Variants in MILR1 observed in about 807,000 individuals in gnomAD.
The protein encoded by MILR1 is mast cell immunoglobulin like receptor 1, also known as allergin-1.
A neutral mutation model predicts 18.5 loss-of-function variants in MILR1; 31 were observed. The observed-to-expected ratio is 1.68, with a 90% CI of 1.26 to 2.26. MILR1 has a LOEUF of 2.26. Ranked by LOEUF, MILR1 falls within the 30% of genes most tolerant of loss-of-function variation. MILR1 has a pLI of 0.00. For synonymous variants in MILR1, 85 were observed against 56.2 expected (o/e 1.51, Z -2.30); for missense variants, 257 against 157.4 (o/e 1.63, Z -3.38).
At chr17:64,468,969 T>G (rs1555664063), downstream of MILR1, among the ~76,000 whole-genome samples, 1 of 151,780 alleles carries the variant, frequency 6.6e-6, no homozygotes, top group East Asian at 2.0e-4. Flanking sequence ...CACTTGTAAT[T>G]CCATCTACTT....
the MILR1 span, chr17:64,496,822 C>T: frequency 1.2e-6 from 2 of 1,613,862 alleles, no homozygotes; most frequent in African/African-American, 2.7e-5. Flanking sequence ...TCCCCTCGAG[C>T]TCCGCGTGCG....
chr17:64,468,655 G>A (rs1239144037), downstream of MILR1: 5 of 1,112,918 alleles, frequency 4.5e-6, no homozygotes, highest in East Asian at 4.0e-4. Context: ...CCTTCTCTGA[G>A]CCTTCTGACT....
At chr17:64,480,551 T>C in the MILR1 span, among the ~76,000 whole-genome samples, 2 of 152,258 alleles carry the variant, frequency 1.3e-5, no homozygotes, top group African/African-American at 4.8e-5. Context: ...TCATATACTT[T>C]ATAAATCGTA....
rs918575491 is a variant in MILR1, at chr17:64,449,332, A to T, written c.74A>T (p.Asp25Val). Residue 25 changes from aspartate (D) to valine (V), a missense_variant, in exon 2 of 10, where the codon GAT becomes GTT. Coordinates refer to ENST00000619286, the MANE Select transcript of MILR1 (RefSeq NM_001085423.2). ...GTTTCAGGTAGAAAAGCTGTATTGG[A>T]TTGTGAGGCAATGAAAACAAATGGT... Reference protein sequence around the residue: ...SSVTCRKAVLDCEAMKTNEFP... With the variant: ...SSVTCRKAVLVCEAMKTNEFP... 7 of 473,106 alleles carry T rather than the reference A, an allele frequency of 1.5e-5. No individual in the cohort carries two copies. The highest frequency in any genetic ancestry group is 3.2e-5 in the Admixed American group (1 of 31,350). The allele number at this position is 473,106 out of a possible 1,614,324, so 29.3% of individuals were successfully genotyped here.
chr17:64,459,526 G>C (rs1489227392), intron 4 of MILR1, among the ~76,000 whole-genome samples: 1 of 152,202 alleles, frequency 6.6e-6, no homozygotes, highest in Admixed American at 6.6e-5. Flanking sequence ...CACCCAGCCA[G>C]GTCCTCAGAA....
the MILR1 span, chr17:64,491,504 T>C: frequency 1.4e-6 from 2 of 1,451,648 alleles, no homozygotes; most frequent in South Asian, 1.1e-5. Flanking sequence ...AGTGAGACTA[T>C]GTCTCTAAAA....
intron 4 of MILR1, 144 bp from the exon 5 acceptor site, chr17:64,460,678 T>C (rs2144048921): frequency 2.7e-6 from 1 of 374,884 alleles, no homozygotes; most frequent in Non-Finnish European, 4.9e-6. Flanking sequence ...TCCCGTGAGT[T>C]TTAGATGTCA....
chr17:64,458,780 A>G (rs1340317126), intron 4 of MILR1, among the ~76,000 whole-genome samples: 2 of 151,934 alleles, frequency 1.3e-5, no homozygotes, highest in African/African-American at 4.8e-5. Flanking sequence ...CTGGACCAAA[A>G]TCCCCTGCCC....
the MILR1 span, among the ~76,000 whole-genome samples, chr17:64,483,593 C>T: frequency 4.8e-4 from 73 of 151,972 alleles, no homozygotes; most frequent in African/African-American, 1.7e-3. Context: ...CTTTCAGCAT[C>T]ACTTTGGACC....
the MILR1 span, chr17:64,496,404 T>C: frequency 3.2e-6 from 5 of 1,559,558 alleles, no homozygotes; most frequent in African/African-American, 1.4e-5. Context: ...TCGTGAAGCA[T>C]ACCGTGAAGA....
chr17:64,469,252 C>T (rs1156623178), downstream of MILR1, among the ~76,000 whole-genome samples: 2 of 152,192 alleles, frequency 1.3e-5, no homozygotes, highest in East Asian at 1.9e-4. Context: ...TACCCTATTT[C>T]CCTCAGAATG....
At chr17:64,497,223 A>AC in the MILR1 span, among the ~76,000 whole-genome samples, 2 of 152,112 alleles carry the variant, frequency 1.3e-5, no homozygotes, top group African/African-American at 4.8e-5. Flanking sequence ...CTTCAGATTG[A>AC]CTTTTTTCTT....
At chr17:64,472,746 C>T (rs1208237177), downstream of MILR1, among the ~76,000 whole-genome samples, 1 of 152,076 alleles carries the variant, frequency 6.6e-6, no homozygotes, top group Non-Finnish European at 1.5e-5. Context: ...GTGTAGCAGG[C>T]TATGCCATCT....
chr17:64,483,548 C>T, the MILR1 span, among the ~76,000 whole-genome samples: 1 of 151,500 alleles, frequency 6.6e-6, no homozygotes, highest in Non-Finnish European at 1.5e-5. Flanking sequence ...TTGAGACCCT[C>T]CCATTTTCTG....
intron 6 of MILR1, 85 bp downstream of exon 6, chr17:64,465,626 G>A: frequency 1.1e-5 from 16 of 1,419,020 alleles, no homozygotes; most frequent in Non-Finnish European, 1.5e-5. Flanking sequence ...TACGGGAGTG[G>A]GGGGTGGAGC....
the MILR1 span, chr17:64,485,774 T>G: frequency 6.2e-7 from 1 of 1,613,050 alleles, no homozygotes; most frequent in African/African-American, 1.3e-5. Context: ...CTCTGTCAGC[T>G]GGAAAGAATC....
chr17:64,453,430 A>G (rs1399528671), intron 3 of MILR1, among the ~76,000 whole-genome samples: 1 of 151,908 alleles, frequency 6.6e-6, no homozygotes, highest in Non-Finnish European at 1.5e-5. Context: ...ACCATGTCAG[A>G]TAATAGTCTT....
At chr17:64,472,992 T>C (rs1301034847), downstream of MILR1, among the ~76,000 whole-genome samples, 1 of 152,084 alleles carries the variant, frequency 6.6e-6, no homozygotes, top group Non-Finnish European at 1.5e-5. Context: ...GCTGCAAACA[T>C]GTGTGGTCGA....
Position 64,468,392 on chromosome 17 carries a change from G to A in MILR1, c.*111G>A, listed in dbSNP as rs782529157. ...CAATCTCCATCTTCCCAGTTCAAGC[G>A]ATTCTCATGCCTCGACCTCCCGAGT... On this transcript the variant is annotated 3_prime_UTR_variant, in exon 10 of 10. Coordinates refer to ENST00000619286, the MANE Select transcript of MILR1 (RefSeq NM_001085423.2). The A allele has an allele frequency of 9.2e-6, 4 of 436,102 alleles. No individual in the cohort carries two copies. Among genetic ancestry groups the A allele is most frequent in the Non-Finnish European group, 1.4e-5 (3 of 219,600 alleles). The allele number at this position is 436,102 out of a possible 1,614,324, so 27.0% of individuals were successfully genotyped here. A position where few individuals can be genotyped will look rare whatever the true frequency, so the allele number is the denominator to read the frequency against.
Sources: gnomAD v4.1 joint callset for allele counts (sites outside exome capture counted in the v4.1 genomes callset) on GRCh38, gnomAD v4.1.1 for gene constraint, MANE v1.5 for transcripts, NCBI Gene and HGNC (gene_info 2026-07-23, HGNC 2026-07-21) for gene names.